SLC7A1: variants seen among roughly 807,000 people sequenced by gnomAD.
SLC7A1 encodes solute carrier family 7 member 1.
Under a neutral mutation model 53.9 loss-of-function variants are expected in SLC7A1, and 10 were observed. The ratio of observed to expected loss-of-function variants is 0.19; its 90% CI spans 0.11 to 0.31. SLC7A1 has a LOEUF of 0.31. SLC7A1 is among the 10% of genes least tolerant of loss of function. The pLI is 1.00. For synonymous variants in SLC7A1, 342 were observed against 338.7 expected, an observed-to-expected ratio of 1.01 and a Z score of -0.11; for missense variants, 525 against 827.2, an observed-to-expected ratio of 0.63 and a Z score of 4.48.
chr13:29,592,770 G>A (rs1015181476), intron 1 of SLC7A1, among the ~76,000 whole-genome samples: 5 of 152,146 alleles, frequency 3.3e-5, no homozygotes, highest in South Asian at 4.2e-4. Context: ...CCCTGGGGTG[G>A]ATAGCAGGTT....
intron 1 of SLC7A1, among the ~76,000 whole-genome samples, chr13:29,578,287 GTT>G (rs967981032): frequency 2.7e-5 from 4 of 149,202 alleles, no homozygotes; most frequent in Non-Finnish European, 6.0e-5. Flanking sequence ...CACAACTGAA[GTT>G]TTTTTTTTGT....
At chr13:29,529,600 G>C (rs552979108) in intron 5 of SLC7A1, among the ~76,000 whole-genome samples, 2 of 152,348 alleles carry the variant, frequency 1.3e-5, no homozygotes, top group South Asian at 2.1e-4. Context: ...GATGGAGCAA[G>C]ACAGAAGATG....
chr13:29,556,081 G>A (rs1380539161), intron 1 of SLC7A1, among the ~76,000 whole-genome samples: 1 of 152,132 alleles, frequency 6.6e-6, no homozygotes, highest in Admixed American at 6.5e-5. Flanking sequence ...GGCCACTAAA[G>A]TGTTCCTCCC....
At chr13:29,594,369 G>A (rs1159820599) in intron 1 of SLC7A1, among the ~76,000 whole-genome samples, 1 of 152,224 alleles carries the variant, frequency 6.6e-6, no homozygotes, top group Non-Finnish European at 1.5e-5. Flanking sequence ...GTGATGACGT[G>A]AGTATTGGGA....
Position 29,514,462 on chromosome 13 carries a change from G to T in SLC7A1, c.*18C>A. The T allele has an allele frequency of 6.3e-7, 1 of 1,591,984 alleles. No homozygotes were observed. On this transcript the variant is annotated 3_prime_UTR_variant, in exon 13 of 13. Transcript: ENST00000380752. ...GTCCCTCGGGGCTGCTGCCACCTCC[G>T]GGGGGCGGGGCTGTGCGTCACTTGC...
intron 2 of SLC7A1, among the ~76,000 whole-genome samples, chr13:29,541,675 CT>C (rs1433825840): frequency 3.9e-5 from 6 of 152,192 alleles, no homozygotes; most frequent in African/African-American, 9.7e-5. Context: ...GAGTAACATG[CT>C]CACTAATGTT....
intron 9 of SLC7A1, 63 bp from the exon 10 acceptor site, chr13:29,517,853 C>A (rs988517907): frequency 2.6e-5 from 35 of 1,335,424 alleles, no homozygotes; most frequent in Non-Finnish European, 3.0e-5. Context: ...TGCACCAACT[C>A]AAGTTCTCAA....
intron 1 of SLC7A1, among the ~76,000 whole-genome samples, chr13:29,591,376 T>G (rs2139196505): frequency 6.6e-6 from 1 of 152,346 alleles, no homozygotes; most frequent in South Asian, 2.1e-4. Flanking sequence ...GAACCCACTC[T>G]GGGGCTCTGC....
chr13:29,524,056 G>A (rs1868764368), intron 6 of SLC7A1, 76 bp downstream of exon 6: 3 of 1,462,864 alleles, frequency 2.1e-6, no homozygotes, highest in Non-Finnish European at 2.9e-6. Flanking sequence ...GTGCCAGCAA[G>A]GAGGGAAATG....
At chr13:29,516,092 CA>C in intron 12 of SLC7A1, 45 bp downstream of exon 12, 1 of 1,218,126 alleles carries the variant, frequency 8.2e-7, no homozygotes, top group African/African-American at 1.5e-5. Context: ...GGGAGACCCC[CA>C]GGGGAAGCCA....
In SLC7A1 at chr13:29,549,587, T is replaced by G. The variant is rs377372898; in HGVS notation, c.-15+4174A>C. ...ACCGGGCATAATCAAAATTGTTCCT[T>G]TTTTGGTTATGGCTTTGTGACAGTC... On this transcript the variant is annotated intron_variant, in intron 2 of 12. Transcript: ENST00000380752. 3.3e-5 allele frequency among the ~76,000 whole-genome samples: 5 copies of G among 152,222 alleles called. No individual in the cohort carries two copies. The East Asian group carries it at 7.7e-4, about 23-fold the overall frequency.
In SLC7A1 at chr13:29,513,620, T is replaced by A. The variant is rs369624670; in HGVS notation, c.*860A>T. The A allele has an allele frequency of 2.6e-5, 4 of 152,840 alleles. No homozygotes were observed. The highest frequency in any genetic ancestry group is 9.6e-5 in the African/African-American group (4 of 41,574). 9.5% of individuals were successfully genotyped at this position (152,840 alleles called of 1,614,324 possible). ...AAACAGACTTCTGACTCGGCCACCA[T>A]GGGGCCAGTCCTGCAGATACTGTCT... On this transcript the variant is annotated 3_prime_UTR_variant, in exon 13 of 13. Coordinates refer to ENST00000380752, the MANE Select transcript of SLC7A1 (RefSeq NM_003045.5).
chr13:29,550,254 G>A (rs1232000438), intron 2 of SLC7A1, among the ~76,000 whole-genome samples: 1 of 152,246 alleles, frequency 6.6e-6, no homozygotes, highest in Non-Finnish European at 1.5e-5. Flanking sequence ...CCAGCCAGCA[G>A]GGCCAGTGAC....
chr13:29,561,511 AG>A (rs1870755037), intron 1 of SLC7A1, among the ~76,000 whole-genome samples: 2 of 152,296 alleles, frequency 1.3e-5, no homozygotes, highest in Admixed American at 1.3e-4. Flanking sequence ...TTGTAAAAAG[AG>A]GGGGTTTCTA....
intron 1 of SLC7A1, among the ~76,000 whole-genome samples, chr13:29,582,794 C>G (rs1466014506): frequency 6.6e-6 from 1 of 152,188 alleles, no homozygotes; most frequent in African/African-American, 2.4e-5. Flanking sequence ...ATATGAAAGG[C>G]ACTATTACAT....
chr13:29,522,393 T>C lies in SLC7A1; in HGVS notation c.1113A>G (p.Leu371=). ...VIYAMAEDGL[L]FKFLANVNDR... is the part of the protein sequence containing the mutation. Reference sequence around the variant, plus strand: ...CATTGACGTTGGCTAAGAATTTAAATAGCAGTCCATCCTCAGCCATGGCAT... The same window carrying C: ...CATTGACGTTGGCTAAGAATTTAAACAGCAGTCCATCCTCAGCCATGGCAT... The change falls in exon 8 of 13, where the codon CTA becomes CTG. Residue 371 remains leucine, a synonymous_variant. Coordinates refer to ENST00000380752, the MANE Select transcript of SLC7A1 (RefSeq NM_003045.5). The C allele has an allele frequency of 6.2e-7, 1 of 1,614,100 alleles. No individual in the cohort carries two copies. Among genetic ancestry groups the C allele is most frequent in the Non-Finnish European group, 8.5e-7 (1 of 1,179,944 alleles).
intron 1 of SLC7A1, among the ~76,000 whole-genome samples, chr13:29,562,230 G>A (rs1363065509): frequency 6.6e-6 from 1 of 152,148 alleles, no homozygotes; most frequent in Non-Finnish European, 1.5e-5. Context: ...GAATGGATTC[G>A]TCTCCACGTG....
chr13:29,565,881 T>G (rs187941660), intron 1 of SLC7A1, among the ~76,000 whole-genome samples: 3 of 152,178 alleles, frequency 2.0e-5, no homozygotes, highest in Non-Finnish European at 2.9e-5. Flanking sequence ...CGCAGCAGCA[T>G]CTATACAGAG....
intron 1 of SLC7A1, among the ~76,000 whole-genome samples, chr13:29,585,773 G>A (rs934696438): frequency 6.6e-6 from 1 of 152,182 alleles, no homozygotes; most frequent in Admixed American, 6.5e-5. Context: ...GAGAGGAAAG[G>A]ACAGCTGTGA....
Sources: allele counts gnomAD v4.1 joint callset (sites outside exome capture counted in the v4.1 genomes callset), GRCh38; gene constraint gnomAD v4.1.1; transcripts MANE v1.5; gene names NCBI Gene and HGNC (gene_info 2026-07-23, HGNC 2026-07-21).